NDUFS4: variants seen among roughly 807,000 people sequenced by gnomAD.
The protein encoded by NDUFS4 is NADH:ubiquinone oxidoreductase subunit S4, also known as NADH dehydrogenase [ubiquinone] iron-sulfur protein 4, mitochondrial.
In NDUFS4, 28 loss-of-function variants were observed where a neutral mutation model predicts 24.3. The ratio of observed to expected loss-of-function variants is 1.15; its 90% CI spans 0.85 to 1.58. The LOEUF is 1.58. Among genes scored for constraint, NDUFS4 ranks in the 40% most tolerant of loss-of-function variants. The pLI is 0.00. For missense variants in NDUFS4, 223 were observed against 207.9 expected, an observed-to-expected ratio of 1.07 and a Z score of -0.45; for synonymous variants, 93 against 69.7, an observed-to-expected ratio of 1.34 and a Z score of -1.67.
At chr5:53,619,502 A>AAC (rs1209461591) in intron 2 of NDUFS4, among the ~76,000 whole-genome samples, 10 of 150,610 alleles carry the variant, frequency 6.6e-5, no homozygotes, top group South Asian at 2.1e-4. Flanking sequence ...AAAAAAAAAA[A>AAC]AAAAAACACA....
chr5:53,568,053 TAAC>T (rs1182443422), intron 1 of NDUFS4, among the ~76,000 whole-genome samples: 5 of 152,192 alleles, frequency 3.3e-5, no homozygotes, highest in Non-Finnish European at 7.4e-5. Context: ...TTTCTTTTAA[TAAC>T]AGAGCAATTC....
intron 2 of NDUFS4, among the ~76,000 whole-genome samples, chr5:53,609,858 T>C (rs558234032): frequency 6.6e-6 from 1 of 152,234 alleles, no homozygotes; most frequent in African/African-American, 2.4e-5. Flanking sequence ...CCCCTCTCAG[T>C]CTTCAAAGAA....
Position 53,560,733 on chromosome 5 carries a change from C to A in NDUFS4, c.71C>A (p.Ala24Asp), listed in dbSNP as rs146259362. Residue 24 changes from alanine to aspartate, a missense_variant, in exon 1 of 5, where the codon GCC becomes GAC. Ala to Asp is a moderately radical substitution (Grantham distance 126). Transcript: ENST00000296684. ...LWRRRAVAVA[A>D]LSVSRVPTRS... ...CGGAGAAGGGCAGTGGCTGTAGCTG[C>A]CCTTTCCGTTTCCAGGGTTCCGACC... is the stretch of plus-strand genomic sequence containing the variant. The A allele has an allele frequency of 4.3e-6, 7 of 1,614,244 alleles. No homozygotes were observed. Among genetic ancestry groups the A allele is most frequent in the Non-Finnish European group, 5.1e-6 (6 of 1,180,046 alleles).
At chr5:53,595,379 G>A (rs888653415) in intron 1 of NDUFS4, among the ~76,000 whole-genome samples, 2 of 152,210 alleles carry the variant, frequency 1.3e-5, no homozygotes, top group East Asian at 1.9e-4. Flanking sequence ...ACATGTCAAA[G>A]GATAGCAACA....
rs190626569 is a variant in NDUFS4 at position 53,585,352 on chromosome 5, A to C, written c.99-18100A>C. Among the ~76,000 whole-genome samples the C allele has an allele frequency of 6.6e-3, 1,011 of 152,306 alleles. 9 individuals are homozygous for C. Among genetic ancestry groups the C allele is most frequent in the South Asian group, 0.023 (113 of 4,828 alleles). On this transcript the variant is annotated intron_variant, in intron 1 of 4. Coordinates refer to ENST00000296684, the MANE Select transcript of NDUFS4 (RefSeq NM_002495.4). ...TATTGACTCGATTTGGATGAATCTTACAATAAATAATTGTTGAGTTTTTCC... is the reference window on the plus strand; with the variant it reads ...TATTGACTCGATTTGGATGAATCTTCCAATAAATAATTGTTGAGTTTTTCC...
At chr5:53,655,751 T>G (rs1388005020) in intron 3 of NDUFS4, among the ~76,000 whole-genome samples, 4 of 152,188 alleles carry the variant, frequency 2.6e-5, no homozygotes, top group African/African-American at 9.6e-5. Flanking sequence ...ACCTTGAACT[T>G]GTGGAGGATT....
In NDUFS4 at chr5:53,589,197, A is replaced by G. The variant is rs73754260; in HGVS notation, c.99-14255A>G. Among the ~76,000 whole-genome samples the G allele has an allele frequency of 7.3e-3, 1,112 of 152,270 alleles. 14 individuals are homozygous for G. The highest frequency in any genetic ancestry group is 0.026 in the African/African-American group (1,060 of 41,550). On this transcript the variant is annotated intron_variant, in intron 1 of 4. Coordinates refer to ENST00000296684, the MANE Select transcript of NDUFS4 (RefSeq NM_002495.4). ...AAACTCTCAAGCTGTAACACTCCCAACCTCAGTCAATGTAAAACAGACATC... is the reference window on the plus strand; with the variant it reads ...AAACTCTCAAGCTGTAACACTCCCAGCCTCAGTCAATGTAAAACAGACATC...
intron 2 of NDUFS4, among the ~76,000 whole-genome samples, chr5:53,606,776 A>G (rs1750525586): frequency 6.6e-6 from 1 of 152,166 alleles, no homozygotes; most frequent in Non-Finnish European, 1.5e-5. Context: ...ATCCGTCCCC[A>G]CTTTCAACAT....
rs185711494 is a variant in NDUFS4 at position 53,560,672 on chromosome 5, G to C, written c.10G>C (p.Val4Leu). The change falls in exon 1 of 5, where the codon GTG becomes CTG. Residue 4 changes from valine (V) to leucine (L), a missense_variant. Physicochemically the swap from Val to Leu is conservative, Grantham distance 32. Coordinates refer to ENST00000296684, the MANE Select transcript of NDUFS4 (RefSeq NM_002495.4). ...GTTTGCCTGCAGCAAGATGGCGGCGGTGTCAATGTCAGTGGTACTGAGGCA... is the reference window on the plus strand; with the variant it reads ...GTTTGCCTGCAGCAAGATGGCGGCGCTGTCAATGTCAGTGGTACTGAGGCA... MAAVSMSVVLRQTL... is the reference protein window; with the variant it reads MAALSMSVVLRQTL... 1.9e-4 allele frequency: 300 copies of C among 1,614,240 alleles called. No homozygotes were observed. In the East Asian group the frequency reaches 5.8e-3, roughly 31 times the overall value.
At chr5:53,629,478 G>A (rs1257282617) in intron 2 of NDUFS4, among the ~76,000 whole-genome samples, 2 of 152,126 alleles carry the variant, frequency 1.3e-5, no homozygotes, top group Non-Finnish European at 2.9e-5. Context: ...TGACAGTGGT[G>A]TGTTAAAGTC....
chr5:53,569,201 C>T (rs1749136354), intron 1 of NDUFS4, among the ~76,000 whole-genome samples: 1 of 152,084 alleles, frequency 6.6e-6, no homozygotes, highest in Non-Finnish European at 1.5e-5. Flanking sequence ...AAATTTATGA[C>T]TTTTGCCTTT....
At chr5:53,666,921 G>T (rs1378983749) in intron 4 of NDUFS4, among the ~76,000 whole-genome samples, 3 of 151,758 alleles carry the variant, frequency 2.0e-5, no homozygotes, top group Admixed American at 2.0e-4. Context: ...GTGACAGGGT[G>T]AGACTCAGTC....
chr5:53,601,411 A>G (rs1750319965), intron 1 of NDUFS4, among the ~76,000 whole-genome samples: 1 of 152,222 alleles, frequency 6.6e-6, no homozygotes, highest in Non-Finnish European at 1.5e-5. Context: ...ATATGGTTTT[A>G]TAAATTAAGA....
intron 1 of NDUFS4, among the ~76,000 whole-genome samples, chr5:53,576,723 G>C (rs1579826835): frequency 6.6e-6 from 1 of 152,082 alleles, no homozygotes; most frequent in South Asian, 2.1e-4. Flanking sequence ...ATAAAAGCTG[G>C]GACCTCCTAG....
chr5:53,563,236 C>CAAAAAAAAAAAAAAAAAAAA, intron 1 of NDUFS4, among the ~76,000 whole-genome samples: 1 of 105,050 alleles, frequency 9.5e-6, no homozygotes, highest in Non-Finnish European at 1.9e-5. Context: ...CTCAAAAAAA[C>CAAAAAAAAAAAAAAAAAAAA]AAAAAAAAAA....
rs542006515 is a variant in NDUFS4 at position 53,682,481 on chromosome 5, G to C, written c.425-637G>C. Among the ~76,000 whole-genome samples the C allele has an allele frequency of 2.0e-5, 3 of 151,836 alleles. No homozygotes were observed. The East Asian group carries it at 5.8e-4, about 30-fold the overall frequency. ...CCTTTGGTCAGGCCTAACAATTTGC[G>C]CTCTTTATCAGGTACTCCCATCTGA... On this transcript the variant is annotated intron_variant, in intron 4 of 4. Coordinates refer to ENST00000296684, the MANE Select transcript of NDUFS4 (RefSeq NM_002495.4).
chr5:53,613,752 G>A (rs964834483), intron 2 of NDUFS4, among the ~76,000 whole-genome samples: 12 of 151,366 alleles, frequency 7.9e-5, no homozygotes, highest in Non-Finnish European at 1.5e-4. Context: ...AGTGATTTTG[G>A]AAGTGTAGAT....
Position 53,630,016 on chromosome 5 carries a change from C to T in NDUFS4, c.178-16217C>T, listed in dbSNP as rs537363264. The stretch of plus-strand genomic sequence containing the variant: ...GGCATGTTTTTGCAGTGTCTGGTAC[C>T]AGTTGTTCCTTTCCATGTTTAGTGC... On this transcript the variant is annotated intron_variant, in intron 2 of 4. Transcript: ENST00000296684. Among the ~76,000 whole-genome samples the T allele has an allele frequency of 3.3e-5, 5 of 152,216 alleles. No individual in the cohort carries two copies. The South Asian group carries it at 1.0e-3, about 32-fold the overall frequency.
At chr5:53,622,633 T>G (rs1273597404) in intron 2 of NDUFS4, among the ~76,000 whole-genome samples, 1 of 152,178 alleles carries the variant, frequency 6.6e-6, no homozygotes, top group Non-Finnish European at 1.5e-5. Context: ...AATACAAACA[T>G]TCAGTTCATA....
Sources: gnomAD v4.1 joint callset for allele counts (sites outside exome capture counted in the v4.1 genomes callset) on GRCh38, gnomAD v4.1.1 for gene constraint, MANE v1.5 for transcripts, NCBI Gene and HGNC (gene_info 2026-07-23, HGNC 2026-07-21) for gene names.